Variants in MIPEP observed in about 807,000 individuals in gnomAD.
MIPEP encodes the protein mitochondrial intermediate peptidase.
In MIPEP, 79 loss-of-function variants were observed where a neutral mutation model predicts 90.3. That is an observed-to-expected ratio of 0.87 (90% CI 0.73 to 1.05). The LOEUF (loss-of-function observed/expected upper bound fraction) is 1.05. MIPEP is among the 50% of genes least tolerant of loss of function. The probability of loss-of-function intolerance (pLI) is 0.00; values close to 1 mark genes in which losing one functional copy is unlikely to be tolerated. For synonymous variants in MIPEP, 334 were observed against 315.8 expected, an observed-to-expected ratio of 1.06 and a Z score of -0.61; for missense variants, 940 against 905.6, an observed-to-expected ratio of 1.04 and a Z score of -0.49.
chr13:23,765,121 AT>A (rs112562047), intron 16 of MIPEP, among the ~76,000 whole-genome samples: 8,347 of 152,202 alleles, frequency 0.055, 765 homozygotes, highest in African/African-American at 0.19. Context: ...GGAGGGCTGA[AT>A]TTTCCTGTCT....
In MIPEP at chr13:23,881,012, G is replaced by A. The variant is rs142446482; in HGVS notation, c.452+687C>T. On this transcript the variant is annotated intron_variant, in intron 3 of 18. Transcript: ENST00000382172. ...GCAGCTAAGTGTGTTGGAATACAGC[G>A]CTGTCCACCATTCAGTTATTTTAAC... 3.5e-3 allele frequency among the ~76,000 whole-genome samples: 539 copies of A among 152,310 alleles called. 4 individuals are homozygous for A. The highest frequency in any genetic ancestry group is 0.012 in the African/African-American group (519 of 41,570).
intron 16 of MIPEP, among the ~76,000 whole-genome samples, chr13:23,776,951 T>C (rs1952724584): frequency 1.3e-5 from 2 of 152,336 alleles, no homozygotes; most frequent in Admixed American, 6.5e-5. Flanking sequence ...TGTACATACA[T>C]GTATCTGTAC....
At chr13:23,748,745 AC>A (rs1952409157) in intron 18 of MIPEP, among the ~76,000 whole-genome samples, 1 of 152,132 alleles carries the variant, frequency 6.6e-6, no homozygotes, top group South Asian at 2.1e-4. Context: ...TGTAAAACAC[AC>A]CCTGGGGTGG....
At chr13:23,888,834 C>A in intron 1 of MIPEP, 2 of 837,950 alleles carry the variant, frequency 2.4e-6, no homozygotes, top group East Asian at 4.4e-5. Context: ...CGGGTCCTGG[C>A]AGGACGAATT....
In MIPEP at chr13:23,886,384, G is replaced by A. The variant is rs373025093; in HGVS notation, c.312C>T (p.Thr104=). The change falls in exon 2 of 19, where the codon ACC becomes ACT. Residue 104 remains threonine, a synonymous_variant. Coordinates refer to ENST00000382172, the MANE Select transcript of MIPEP (RefSeq NM_005932.4). The stretch of plus-strand genomic sequence containing the variant: ...CCGAGAGCTCATCGAAGATCAGCAC[G>A]GTCTGGGGCCCAGGTGGGGTGGAAC... ...RACSTPPGPQ[T]VLIFDELSDS... is the part of the protein sequence containing the mutation. 5.1e-5 allele frequency: 82 copies of A among 1,606,410 alleles called. No individual in the cohort carries two copies. The highest frequency in any genetic ancestry group is 2.9e-4 in the Admixed American group (17 of 59,070).
In MIPEP at chr13:23,760,312, G is replaced by A. The variant is rs1375589738; in HGVS notation, c.1849-95C>T. The A allele has an allele frequency of 3.0e-5, 46 of 1,525,032 alleles. 1 individual carries two copies. In the South Asian group the frequency reaches 3.4e-4, roughly 11 times the overall value. The allele number at this position is 1,525,032 out of a possible 1,614,324, so 94.5% of individuals were successfully genotyped here. A position where few individuals can be genotyped will look rare whatever the true frequency, so the allele number is the denominator to read the frequency against. On this transcript the variant is annotated intron_variant, in intron 16 of 18. Coordinates refer to ENST00000382172, the MANE Select transcript of MIPEP (RefSeq NM_005932.4). ...ACACAGTGGAGACACAGAGAGACCCGTAAATGCTTTCATTTGCATTTTACC... is the reference window on the plus strand; with the variant it reads ...ACACAGTGGAGACACAGAGAGACCCATAAATGCTTTCATTTGCATTTTACC...
chr13:23,772,048 G>GCC (rs111315438), intron 16 of MIPEP, among the ~76,000 whole-genome samples: 15 of 151,976 alleles, frequency 9.9e-5, no homozygotes, highest in African/African-American at 3.4e-4. Flanking sequence ...CGTAACAACT[G>GCC]CCCCCCCACT....
chr13:23,833,849 C>T (rs1868891416), intron 14 of MIPEP, among the ~76,000 whole-genome samples: 1 of 152,190 alleles, frequency 6.6e-6, no homozygotes, highest in Admixed American at 6.5e-5. Context: ...CGCAGCCCTG[C>T]ACCACGCGCT....
At chr13:23,812,441 G>A (rs1211242663) in intron 14 of MIPEP, among the ~76,000 whole-genome samples, 2 of 151,522 alleles carry the variant, frequency 1.3e-5, no homozygotes, top group African/African-American at 4.9e-5. Context: ...TGGAGAAGCC[G>A]GGAAGCTGAG....
intron 16 of MIPEP, among the ~76,000 whole-genome samples, chr13:23,802,930 A>G (rs916240897): frequency 6.6e-6 from 1 of 152,234 alleles, no homozygotes; most frequent in African/African-American, 2.4e-5. Flanking sequence ...AGGCTAAGCT[A>G]TGACATTCAG....
intron 7 of MIPEP, 103 bp downstream of exon 7, chr13:23,869,189 A>T: frequency 9.8e-7 from 1 of 1,019,974 alleles, no homozygotes; most frequent in Non-Finnish European, 1.4e-6. Flanking sequence ...ATGGTTCTCT[A>T]CATGTATTAA....
chr13:23,817,740 G>A (rs772877116), intron 14 of MIPEP, among the ~76,000 whole-genome samples: 13 of 152,052 alleles, frequency 8.5e-5, no homozygotes, highest in Non-Finnish European at 1.6e-4. Context: ...CTCAAAATTC[G>A]ATCCTGTGAT....
At chr13:23,853,901 A>T (rs753017947) in intron 10 of MIPEP, among the ~76,000 whole-genome samples, 5 of 152,052 alleles carry the variant, frequency 3.3e-5, no homozygotes, top group Non-Finnish European at 7.4e-5. Flanking sequence ...CCTGTCATTA[A>T]GTGGCACATG....
chr13:23,874,489 T>C (rs1460335653), intron 5 of MIPEP, among the ~76,000 whole-genome samples: 2 of 152,224 alleles, frequency 1.3e-5, no homozygotes, highest in Non-Finnish European at 2.9e-5. Context: ...TAAATACACT[T>C]ATGTAAGGTC....
At chr13:23,819,680 TAC>T (rs1471030376) in intron 14 of MIPEP, among the ~76,000 whole-genome samples, 1 of 151,700 alleles carries the variant, frequency 6.6e-6, no homozygotes, top group Non-Finnish European at 1.5e-5. Context: ...TGGTCTGAAA[TAC>T]AGCGTAAATT....
intron 18 of MIPEP, among the ~76,000 whole-genome samples, chr13:23,749,201 T>G (rs955644392): frequency 6.6e-6 from 1 of 152,248 alleles, no homozygotes; most frequent in African/African-American, 2.4e-5. Context: ...GAACAATGAC[T>G]GTTTATTTAG....
chr13:23,832,082 G>C (rs751795908), intron 14 of MIPEP, among the ~76,000 whole-genome samples: 5 of 152,122 alleles, frequency 3.3e-5, no homozygotes, highest in Non-Finnish European at 7.4e-5. Context: ...CCCTTCTCCA[G>C]GCAGTATTGA....
intron 1 of MIPEP, chr13:23,888,542 C>A (rs1406866635): frequency 4.0e-6 from 1 of 251,894 alleles, no homozygotes; most frequent in Non-Finnish European, 6.3e-6. Context: ...GGTAAGAAAT[C>A]AAAGTGACCA....
At chr13:23,762,201 C>T (rs1952554220) in intron 16 of MIPEP, among the ~76,000 whole-genome samples, 1 of 151,640 alleles carries the variant, frequency 6.6e-6, no homozygotes, top group African/African-American at 2.4e-5. Context: ...ATGATAACAA[C>T]ACTCTTTAAC....
Sources: gnomAD v4.1 joint callset for allele counts (sites outside exome capture counted in the v4.1 genomes callset) on GRCh38, gnomAD v4.1.1 for gene constraint, MANE v1.5 for transcripts, NCBI Gene and HGNC (gene_info 2026-07-23, HGNC 2026-07-21) for gene names.